PDE1C: variants seen among roughly 807,000 people sequenced by gnomAD.
PDE1C encodes phosphodiesterase 1C.
In PDE1C, 62 loss-of-function variants were observed where a neutral mutation model predicts 93.1. That is an observed-to-expected ratio of 0.67 (90% CI 0.54 to 0.82). The LOEUF (loss-of-function observed/expected upper bound fraction) is 0.82, where lower values mean the gene tolerates loss of function less well. Ranked by LOEUF, PDE1C falls within the 40% of genes least tolerant of loss-of-function variation. The probability of loss-of-function intolerance (pLI) is 0.00; values close to 1 mark genes in which losing one functional copy is unlikely to be tolerated. For synonymous variants in PDE1C, 325 were observed against 310.1 expected (o/e 1.05, Z -0.50); for missense variants, 742 against 884.6 (o/e 0.84, Z 2.04).
chr7:32,309,849 CA>C (rs921763344), intron 1 of PDE1C, among the ~76,000 whole-genome samples: 33 of 152,236 alleles, frequency 2.2e-4, no homozygotes, highest in African/African-American at 7.9e-4. Flanking sequence ...AACTAACAAG[CA>C]AAATAACCAG....
intron 3 of PDE1C, among the ~76,000 whole-genome samples, chr7:32,167,293 C>T (rs1167218305): frequency 6.6e-6 from 1 of 152,066 alleles, no homozygotes; most frequent in Non-Finnish European, 1.5e-5. Context: ...TTTGCCTCCA[C>T]CTTGCAGAGA....
At chr7:31,660,595 C>T in the PDE1C span, among the ~76,000 whole-genome samples, 21 of 151,994 alleles carry the variant, frequency 1.4e-4, no homozygotes, top group South Asian at 1.2e-3. Context: ...TTCTGGCTAC[C>T]GTACATAAAA....
intron 1 of PDE1C, among the ~76,000 whole-genome samples, chr7:32,319,314 CT>C: frequency 6.6e-6 from 1 of 152,350 alleles, no homozygotes; most frequent in East Asian, 1.9e-4. Context: ...CACCCTGCCC[CT>C]GCCCCTTGAC....
chr7:32,420,790 G>C (rs1243897304), intron 1 of PDE1C, among the ~76,000 whole-genome samples: 1 of 152,116 alleles, frequency 6.6e-6, no homozygotes, highest in Non-Finnish European at 1.5e-5. Flanking sequence ...AGAAGGGCAA[G>C]TTTGAGCAGA....
chr7:31,671,751 C>T, the PDE1C span, among the ~76,000 whole-genome samples: 3 of 152,166 alleles, frequency 2.0e-5, no homozygotes, highest in Non-Finnish European at 2.9e-5. Flanking sequence ...GATGGTCAAC[C>T]AGTATCTCAT....
intron 2 of PDE1C, among the ~76,000 whole-genome samples, chr7:31,927,240 T>A (rs1803517323): frequency 6.6e-6 from 1 of 152,156 alleles, no homozygotes; most frequent in Non-Finnish European, 1.5e-5. Context: ...CTGGACTGCC[T>A]CTCTAAATCC....
intron 1 of PDE1C, among the ~76,000 whole-genome samples, chr7:32,409,890 T>C (rs1483624686): frequency 6.6e-6 from 1 of 151,944 alleles, no homozygotes; most frequent in Non-Finnish European, 1.5e-5. Context: ...TATATATTTA[T>C]ATATACACAC....
At chr7:31,655,679 A>G in the PDE1C span, 2 of 959,330 alleles carry the variant, frequency 2.1e-6, no homozygotes, top group Admixed American at 6.2e-5. Context: ...CTTGGCTCCT[A>G]TATCATGGCT....
intron 2 of PDE1C, among the ~76,000 whole-genome samples, chr7:31,952,865 C>T (rs907893245): frequency 2.6e-5 from 4 of 152,072 alleles, no homozygotes; most frequent in African/African-American, 9.7e-5. Flanking sequence ...TCACCCTTAA[C>T]AAGACAATGC....
intron 5 of PDE1C, among the ~76,000 whole-genome samples, chr7:31,874,564 T>A (rs1466347492): frequency 6.6e-6 from 1 of 152,214 alleles, no homozygotes; most frequent in African/African-American, 2.4e-5. Flanking sequence ...TGACCAAACA[T>A]TCCAACTGTC....
the PDE1C span, among the ~76,000 whole-genome samples, chr7:31,721,140 C>G: frequency 6.6e-6 from 1 of 152,148 alleles, no homozygotes; most frequent in African/African-American, 2.4e-5. Flanking sequence ...TCCATTGTAT[C>G]TGAAGCTCAG....
At chr7:32,159,658 G>C (rs1437651952) in intron 3 of PDE1C, among the ~76,000 whole-genome samples, 2 of 152,144 alleles carry the variant, frequency 1.3e-5, no homozygotes, top group South Asian at 2.1e-4. Context: ...TAAGGGAGGA[G>C]AAGTAGAAAG....
chr7:31,933,497 C>T (rs1804610804), intron 2 of PDE1C, among the ~76,000 whole-genome samples: 1 of 152,144 alleles, frequency 6.6e-6, no homozygotes, highest in Admixed American at 6.5e-5. Context: ...CAGGTTTTTA[C>T]ACCAACCACA....
At chr7:32,209,413 T>C (rs1245812106) in intron 2 of PDE1C, 1 of 1,178,746 alleles carries the variant, frequency 8.5e-7, no homozygotes, top group South Asian at 1.4e-5. Context: ...TGAAGAGCTA[T>C]ACCGCATGGG....
chr7:32,141,339 A>G (rs1468940670), intron 3 of PDE1C, among the ~76,000 whole-genome samples: 1 of 152,208 alleles, frequency 6.6e-6, no homozygotes, highest in Non-Finnish European at 1.5e-5. Context: ...CAAGATCCCC[A>G]TTTCTAAAAA....
chr7:31,804,235 C>G (rs1403110621), intron 16 of PDE1C, among the ~76,000 whole-genome samples: 1 of 151,838 alleles, frequency 6.6e-6, no homozygotes, highest in Non-Finnish European at 1.5e-5. Context: ...ACCAGAGCAG[C>G]ATATAGGCTA....
At chr7:31,683,264 C>T in the PDE1C span, among the ~76,000 whole-genome samples, 3 of 152,196 alleles carry the variant, frequency 2.0e-5, no homozygotes, top group South Asian at 2.1e-4. Context: ...GGATCTATCT[C>T]TCTGTATTAT....
chr7:31,735,007 A>G, the PDE1C span, among the ~76,000 whole-genome samples: 12,634 of 152,288 alleles, frequency 0.083, 854 homozygotes, highest in East Asian at 0.36. Flanking sequence ...GTCACCTGGG[A>G]GCTCATTACA....
intron 1 of PDE1C, among the ~76,000 whole-genome samples, chr7:32,411,443 T>C (rs1562712550): frequency 6.6e-6 from 1 of 152,198 alleles, no homozygotes; most frequent in Non-Finnish European, 1.5e-5. Context: ...AATGGCAACA[T>C]AATGGTATTT....
Sources: allele counts gnomAD v4.1 joint callset (sites outside exome capture counted in the v4.1 genomes callset), GRCh38; gene constraint gnomAD v4.1.1; transcripts MANE v1.5; gene names NCBI Gene and HGNC (gene_info 2026-07-23, HGNC 2026-07-21).